The following LIPI variants were observed in gnomAD, a reference collection of about 807,000 sequenced individuals.
The protein encoded by LIPI is lipase I, also known as lipase member I.
A neutral mutation model predicts 50.6 loss-of-function variants in LIPI; 59 were observed. The observed-to-expected ratio is 1.16, with a 90% CI of 0.94 to 1.45. LIPI has a LOEUF of 1.45. Ranked by LOEUF, LIPI falls within the 40% of genes most tolerant of loss-of-function variation. LIPI has a pLI of 0.00. For synonymous variants in LIPI, 203 were observed against 178.2 expected (o/e 1.14, Z -1.11); for missense variants, 586 against 536.3 (o/e 1.09, Z -0.92).
At chr21:14,161,032 A>C (rs1380223451) in intron 7 of LIPI, among the ~76,000 whole-genome samples, 1 of 151,350 alleles carries the variant, frequency 6.6e-6, no homozygotes, top group Non-Finnish European at 1.5e-5. Context: ...GGGATAATGT[A>C]AAGTGGTACA....
chr21:14,204,706 G>C (rs1210106462), intron 1 of LIPI, among the ~76,000 whole-genome samples: 1 of 151,870 alleles, frequency 6.6e-6, no homozygotes, highest in African/African-American at 2.4e-5. Flanking sequence ...GCAATTAAAA[G>C]CAGTCAAAGG....
In LIPI at chr21:14,119,907, G is replaced by A. The variant is rs144935427; in HGVS notation, c.1296-10827C>T. Among the ~76,000 whole-genome samples, 552 of 152,248 alleles carry A rather than the reference G, an allele frequency of 3.6e-3. 4 individuals are homozygous for A. The highest frequency in any genetic ancestry group is 0.013 in the African/African-American group (524 of 41,540). ...CATTTGGACAGAAGCTGATAATTCA[G>A]GTGCCCCACACAGTTGTCACCCTGA... On this transcript the variant is annotated intron_variant, in intron 9 of 9. Coordinates refer to ENST00000681601, the MANE Select transcript of LIPI (RefSeq NM_001302998.2).
intron 9 of LIPI, among the ~76,000 whole-genome samples, chr21:14,116,019 AGTGTGTGG>A (rs954278371): frequency 4.1e-5 from 5 of 121,150 alleles, no homozygotes; most frequent in Non-Finnish European, 9.0e-5. Flanking sequence ...AGTGTGTGGG[AGTGTGTGG>A]GTGTGTGTGA....
At chr21:14,161,694 TA>T (rs2018484808) in intron 7 of LIPI, among the ~76,000 whole-genome samples, 1 of 99,158 alleles carries the variant, frequency 1.0e-5, no homozygotes, top group African/African-American at 4.3e-5. Context: ...TATTAATGTA[TA>T]ATATATACAT....
chr21:14,182,996 A>G (rs887703333), intron 3 of LIPI, among the ~76,000 whole-genome samples: 20 of 152,134 alleles, frequency 1.3e-4, no homozygotes, highest in African/African-American at 4.6e-4. Flanking sequence ...TATGGAACCA[A>G]AAAAGAGCCC....
At chr21:14,174,789 G>A (rs373897073) in intron 4 of LIPI, among the ~76,000 whole-genome samples, 8 of 152,122 alleles carry the variant, frequency 5.3e-5, no homozygotes, top group East Asian at 1.9e-4. Flanking sequence ...TCCTGACCTC[G>A]TGATCCCCCG....
At chr21:14,161,800 TATTAATGTATAATATATACAAATA>T (rs1175881726) in intron 7 of LIPI, among the ~76,000 whole-genome samples, 24 of 35,222 alleles carry the variant, frequency 6.8e-4, no homozygotes, top group East Asian at 2.6e-3. Flanking sequence ...CATTATTATA[TATTAATGTATAATATATACAAATA>T]TATATTAATA....
chr21:14,164,957 A>G (rs1355734344), intron 6 of LIPI, among the ~76,000 whole-genome samples: 1 of 152,202 alleles, frequency 6.6e-6, no homozygotes, highest in Non-Finnish European at 1.5e-5. Flanking sequence ...ATCAGGAACA[A>G]GAATCATTAT....
chr21:14,194,702 A>G (rs910561513), intron 1 of LIPI, among the ~76,000 whole-genome samples: 21 of 152,298 alleles, frequency 1.4e-4, no homozygotes, highest in Admixed American at 5.2e-4. Flanking sequence ...ACAGAATTTG[A>G]GTTTTGAAAG....
intron 4 of LIPI, among the ~76,000 whole-genome samples, chr21:14,167,715 ACATCACCAT>A (rs1418234135): frequency 2.6e-5 from 4 of 152,204 alleles, no homozygotes; most frequent in Non-Finnish European, 5.9e-5. Context: ...ACCCATCTGT[ACATCACCAT>A]CATCAAAGAC....
At chr21:14,181,108 T>A (rs2019254557) in intron 4 of LIPI, among the ~76,000 whole-genome samples, 3 of 152,288 alleles carry the variant, frequency 2.0e-5, no homozygotes, top group Admixed American at 2.0e-4. Context: ...AATTCACTAA[T>A]TAATTCATAC....
chr21:14,152,757 T>C (rs2018143844), intron 7 of LIPI, 73 bp from the exon 8 acceptor site: 1 of 708,176 alleles, frequency 1.4e-6, no homozygotes, highest in Non-Finnish European at 2.5e-6. Flanking sequence ...TTCAGATATA[T>C]ATATATGTGT....
At chr21:14,191,598 T>A (rs1257153774) in intron 1 of LIPI, among the ~76,000 whole-genome samples, 1 of 152,048 alleles carries the variant, frequency 6.6e-6, no homozygotes. Context: ...GTATATTCTA[T>A]ACAAAATAAA....
intron 9 of LIPI, among the ~76,000 whole-genome samples, chr21:14,140,829 G>A (rs1185489370): frequency 6.6e-6 from 1 of 151,956 alleles, no homozygotes; most frequent in Non-Finnish European, 1.5e-5. Flanking sequence ...ATAAAGCTGT[G>A]AACATTACAT....
rs1264687131 is a variant in LIPI at position 14,165,369 on chromosome 21, T to C, written c.755A>G (p.Asn252Ser). ...GAACAAGTGAACTGCTCTCTGGTGG[T>C]TGCATTTAATGAATTGAATTCCTTA... ...IFSGIQFIKCNHQRAVHLFMA... is the reference protein window; with the variant it reads ...IFSGIQFIKCSHQRAVHLFMA... The change falls in exon 6 of 10, where the codon AAC becomes AGC. Residue 252 changes from asparagine (N) to serine (S), a missense_variant. Physicochemically the swap from Asn to Ser is conservative, Grantham distance 46. Transcript: ENST00000681601. 1.9e-6 allele frequency: 3 copies of C among 1,612,048 alleles called. No homozygotes were observed. The highest frequency in any genetic ancestry group is 1.3e-5 in the African/African-American group (1 of 74,924).
chr21:14,181,097 G>T (rs2019254301), intron 4 of LIPI, among the ~76,000 whole-genome samples: 1 of 152,100 alleles, frequency 6.6e-6, no homozygotes, highest in Admixed American at 6.6e-5. Flanking sequence ...AAATTTAGTA[G>T]AATTCACTAA....
intron 9 of LIPI, among the ~76,000 whole-genome samples, chr21:14,135,469 A>C (rs923954375): frequency 5.3e-5 from 8 of 152,294 alleles, no homozygotes; most frequent in Admixed American, 5.2e-4. Flanking sequence ...GAGTGGCGGC[A>C]TGGTGCAGAG....
At chr21:14,193,777 A>C (rs373464315) in intron 1 of LIPI, among the ~76,000 whole-genome samples, 1 of 152,092 alleles carries the variant, frequency 6.6e-6, no homozygotes, top group Non-Finnish European at 1.5e-5. Flanking sequence ...AAAAAAAATG[A>C]GTAAATTGGA....
At chr21:14,203,787 A>C (rs1224902839) in intron 1 of LIPI, among the ~76,000 whole-genome samples, 1 of 152,082 alleles carries the variant, frequency 6.6e-6, no homozygotes, top group Non-Finnish European at 1.5e-5. Flanking sequence ...CCAACATGGC[A>C]CATGTATACA....
Sources: gnomAD v4.1 joint callset for allele counts (sites outside exome capture counted in the v4.1 genomes callset) on GRCh38, gnomAD v4.1.1 for gene constraint, MANE v1.5 for transcripts, NCBI Gene and HGNC (gene_info 2026-07-23, HGNC 2026-07-21) for gene names.